The following GARRE1 variants were observed in gnomAD, a reference collection of about 807,000 sequenced individuals.
GARRE1 encodes granule associated Rac and RHOG effector 1.
GARRE1 carries 49 observed loss-of-function variants against 103.2 expected under a neutral mutation model. The ratio of observed to expected loss-of-function variants is 0.47; its 90% CI spans 0.38 to 0.60. The LOEUF (loss-of-function observed/expected upper bound fraction) is 0.60, where lower values mean the gene tolerates loss of function less well. Ranked by LOEUF, GARRE1 falls within the 20% of genes least tolerant of loss-of-function variation. The pLI is 0.00. For missense variants in GARRE1, 1,199 were observed against 1,370.5 expected (o/e 0.87, Z 1.98); for synonymous variants, 505 against 532.8 (o/e 0.95, Z 0.72).
intron 1 of GARRE1, among the ~76,000 whole-genome samples, chr19:34,290,874 C>CCT (rs2073913611): frequency 1.6e-5 from 1 of 63,196 alleles, no homozygotes; most frequent in African/African-American, 6.4e-5. Context: ...AAGCATATTG[C>CCT]TTTTTTTTTT....
At chr19:34,274,717 A>C (rs997959396) in intron 1 of GARRE1, among the ~76,000 whole-genome samples, 2 of 152,320 alleles carry the variant, frequency 1.3e-5, no homozygotes, top group Admixed American at 6.5e-5. Flanking sequence ...CTTAAGGTCT[A>C]TCAGAGGAGG....
At position 34,341,603 on chromosome 19, in the gene GARRE1, A is replaced by G. The variant is rs1302002174; in HGVS notation, c.1669A>G (p.Asn557Asp). The part of the protein sequence containing the change: ...ASCTSSSSST[N>D]YSIQNTPSKN... ...ATGTACCAGCTCCAGCAGCAGCACA[A>G]ATTATTCCATCCAAAATACCCCTTC... The change falls in exon 10 of 14, where the codon AAT (asparagine) becomes GAT (aspartate). Residue 557 changes from asparagine to aspartate, a missense_variant. By Grantham distance (23) the Asn-to-Asp change is conservative (BLOSUM62 1). Coordinates refer to ENST00000299505, the MANE Select transcript of GARRE1 (RefSeq NM_014686.5). The G allele has an allele frequency of 6.2e-7, 1 of 1,614,214 alleles. No homozygotes were observed. The highest frequency in any genetic ancestry group is 1.3e-5 in the African/African-American group (1 of 75,064).
chr19:34,337,050 GTTT>G (rs113410326), intron 8 of GARRE1, among the ~76,000 whole-genome samples: 1 of 115,976 alleles, frequency 8.6e-6, no homozygotes, highest in African/African-American at 3.2e-5. Context: ...TTTTAGTTCT[GTTT>G]TTTTTTTTTT....
chr19:34,342,508 G>C, intron 10 of GARRE1, 53 bp downstream of exon 10: 1 of 1,505,808 alleles, frequency 6.6e-7, no homozygotes, highest in Non-Finnish European at 9.1e-7. Context: ...TGCAACTGCC[G>C]AGGTCTTCCC....
chr19:34,274,368 G>A (rs1396017165), intron 1 of GARRE1, among the ~76,000 whole-genome samples: 1 of 152,112 alleles, frequency 6.6e-6, no homozygotes, highest in Non-Finnish European at 1.5e-5. Flanking sequence ...TCGCACCATT[G>A]CACTCCAGTC....
chr19:34,269,548 T>G (rs955306988), intron 1 of GARRE1, among the ~76,000 whole-genome samples: 3 of 152,108 alleles, frequency 2.0e-5, no homozygotes, highest in African/African-American at 7.2e-5. Flanking sequence ...TTTTTAAAAT[T>G]TATTTCTATT....
intron 3 of GARRE1, among the ~76,000 whole-genome samples, chr19:34,321,738 A>C (rs1286473668): frequency 6.6e-6 from 1 of 152,188 alleles, no homozygotes; most frequent in Non-Finnish European, 1.5e-5. Context: ...GGCCTCTGAA[A>C]GTGCTGGGAT....
At chr19:34,331,046 C>T (rs934462446) in intron 7 of GARRE1, among the ~76,000 whole-genome samples, 11 of 151,668 alleles carry the variant, frequency 7.3e-5, no homozygotes, top group South Asian at 2.1e-4. Flanking sequence ...ACTACAGGCA[C>T]GCACCACCAT....
intron 2 of GARRE1, among the ~76,000 whole-genome samples, chr19:34,308,025 A>G (rs1470874823): frequency 1.3e-5 from 2 of 151,354 alleles, no homozygotes; most frequent in African/African-American, 4.8e-5. Flanking sequence ...TCTTTTGTAT[A>G]CTATGTGATT....
intron 1 of GARRE1, among the ~76,000 whole-genome samples, chr19:34,269,181 A>G (rs1166554468): frequency 3.9e-5 from 6 of 152,222 alleles, no homozygotes; most frequent in Non-Finnish European, 5.9e-5. Flanking sequence ...TCATAGAGGA[A>G]CGCCATGGTT....
intron 1 of GARRE1, among the ~76,000 whole-genome samples, chr19:34,290,510 C>T (rs1285422363): frequency 1.3e-5 from 2 of 152,082 alleles, no homozygotes; most frequent in African/African-American, 4.8e-5. Context: ...CTCTCTCTCT[C>T]TCTTAGAGAC....
chr19:34,351,410 G>T, intron 12 of GARRE1, 104 bp from the exon 13 acceptor site: 6 of 906,660 alleles, frequency 6.6e-6, no homozygotes, highest in Non-Finnish European at 9.1e-6. Context: ...TCCCCTCCTA[G>T]AACCAGGGCC....
At chr19:34,295,725 C>T (rs1471806893) in intron 1 of GARRE1, among the ~76,000 whole-genome samples, 1 of 152,002 alleles carries the variant, frequency 6.6e-6, no homozygotes, top group Non-Finnish European at 1.5e-5. Flanking sequence ...GAGATGGGGT[C>T]TTGCTCTGTT....
At chr19:34,289,155 T>C (rs1238313324) in intron 1 of GARRE1, among the ~76,000 whole-genome samples, 1 of 146,618 alleles carries the variant, frequency 6.8e-6, no homozygotes, top group East Asian at 2.1e-4. Flanking sequence ...GTAAATCTGG[T>C]TGGGCATGGC....
At chr19:34,337,462 G>A (rs1225032806) in intron 8 of GARRE1, among the ~76,000 whole-genome samples, 1 of 152,186 alleles carries the variant, frequency 6.6e-6, no homozygotes, top group Non-Finnish European at 1.5e-5. Context: ...CATTGGATTT[G>A]AGAGGAGCCT....
rs565641086 is a variant in GARRE1, at chr19:34,320,879, T to C, written c.705+763T>C. Among the ~76,000 whole-genome samples the C allele has an allele frequency of 2.9e-4, 43 of 148,122 alleles. No homozygotes were observed. In the South Asian group the frequency reaches 9.0e-3, roughly 31 times the overall value. On this transcript the variant is annotated intron_variant, in intron 3 of 13. Transcript: ENST00000299505. ...CTGGGACTACAGGCTCATGCCACCA[T>C]GTCTAGCTTATTATTATTATTATTA...
intron 1 of GARRE1, among the ~76,000 whole-genome samples, chr19:34,291,586 TG>T (rs1190864155): frequency 1.3e-5 from 2 of 152,186 alleles, no homozygotes; most frequent in Non-Finnish European, 2.9e-5. Context: ...GAGCAAGAGA[TG>T]GTTGAACTTC....
At chr19:34,295,728 G>T (rs1200442401) in intron 1 of GARRE1, among the ~76,000 whole-genome samples, 1 of 151,974 alleles carries the variant, frequency 6.6e-6, no homozygotes, top group Non-Finnish European at 1.5e-5. Context: ...ATGGGGTCTT[G>T]CTCTGTTGTT....
rs2074255121 is a variant in GARRE1, at chr19:34,353,902, A to G, written c.*947A>G. On this transcript the variant is annotated 3_prime_UTR_variant, in exon 14 of 14. Transcript: ENST00000299505. ...GACAAACCAATTAAGATGTAGATAG[A>G]AATTAATTTAAGGTCTTTTCTTAAA... The G allele has an allele frequency of 6.5e-6, 1 of 152,698 alleles. No homozygotes were observed. The highest frequency in any genetic ancestry group is 1.9e-4 in the East Asian group (1 of 5,188). 9.5% of individuals were successfully genotyped at this position (152,698 alleles called of 1,614,324 possible).
Sources: gnomAD v4.1 joint callset for allele counts (sites outside exome capture counted in the v4.1 genomes callset) on GRCh38, gnomAD v4.1.1 for gene constraint, MANE v1.5 for transcripts, NCBI Gene and HGNC (gene_info 2026-07-23, HGNC 2026-07-21) for gene names.